The following SERPINH1 variants were observed in gnomAD, a reference collection of about 807,000 sequenced individuals.
The protein encoded by SERPINH1 is serpin family H member 1.
A neutral mutation model predicts 32.3 loss-of-function variants in SERPINH1; 22 were observed. The ratio of observed to expected loss-of-function variants is 0.68; its 90% CI spans 0.49 to 0.97. SERPINH1 has a LOEUF of 0.97. Ranked by LOEUF, SERPINH1 falls within the 50% of genes least tolerant of loss-of-function variation. The pLI, the probability that SERPINH1 is intolerant of heterozygous loss-of-function variation, is 0.00. For synonymous variants in SERPINH1, 251 were observed against 245.9 expected (o/e 1.02, Z -0.19); for missense variants, 543 against 576.4 (o/e 0.94, Z 0.59).
In SERPINH1 at chr11:75,567,088, C is replaced by G; in HGVS notation, c.622+117C>G. ...GCCTCTCATTTATGCTGTGACAACCCAGGGAGGCAGGACTGTCACTCAGCT... is the reference window on the plus strand; with the variant it reads ...GCCTCTCATTTATGCTGTGACAACCGAGGGAGGCAGGACTGTCACTCAGCT... On this transcript the variant is annotated intron_variant, in intron 2 of 4. Transcript: ENST00000358171. 5.2e-6 allele frequency: 6 copies of G among 1,158,822 alleles called. No homozygotes were observed. In the South Asian group the frequency reaches 9.2e-5, roughly 18 times the overall value. The allele number at this position is 1,158,822 out of a possible 1,614,324, so 71.8% of individuals were successfully genotyped here.
chr11:75,571,551 TCTCAGCTTC>T (rs1486255895), intron 4 of SERPINH1, among the ~76,000 whole-genome samples: 2 of 152,142 alleles, frequency 1.3e-5, no homozygotes, highest in African/African-American at 4.8e-5. Flanking sequence ...TTTTTCTGAG[TCTCAGCTTC>T]CTCATCTGTG....
intron 2 of SERPINH1, 71 bp from the exon 3 acceptor site, chr11:75,568,660 G>A: frequency 1.0e-6 from 1 of 980,698 alleles, no homozygotes. Context: ...GCAGCCGGGG[G>A]TGGCTGTGGG....
intron 1 of SERPINH1, chr11:75,563,660 C>A (rs1942020104): frequency 6.5e-6 from 1 of 152,746 alleles, no homozygotes; most frequent in African/African-American, 2.4e-5. Context: ...GCCCTCTGCG[C>A]CAGGGGCCTC....
chr11:75,564,499 G>A (rs1218574682), intron 1 of SERPINH1, among the ~76,000 whole-genome samples: 1 of 152,204 alleles, frequency 6.6e-6, no homozygotes, highest in African/African-American at 2.4e-5. Context: ...TTTGAGTAGG[G>A]TGGCCATATG....
chr11:75,569,250 G>A, intron 4 of SERPINH1, 79 bp downstream of exon 4: 1 of 1,063,858 alleles, frequency 9.4e-7, no homozygotes, highest in Non-Finnish European at 1.4e-6. Context: ...CACCAATTCA[G>A]CAGGTCTGTC....
chr11:75,562,752 TC>T (rs1246395070), intron 1 of SERPINH1: 2 of 152,214 alleles, frequency 1.3e-5, no homozygotes, highest in Non-Finnish European at 2.9e-5. Context: ...GCCTCGCAGT[TC>T]CAGGTCACTT....
At position 75,566,610 on chromosome 11, in the gene SERPINH1, G is replaced by A. The variant is rs1194888853; in HGVS notation, c.261G>A (p.Ala87=). The A allele has an allele frequency of 3.7e-6, 6 of 1,607,520 alleles. No homozygotes were observed. Among genetic ancestry groups the A allele is most frequent in the African/African-American group, 2.7e-5 (2 of 74,844 alleles). Residue 87 remains alanine, a synonymous_variant, in exon 2 of 5, where the codon GCG becomes GCA. Transcript: ENST00000358171. ...SLGLVSLGGK[A]TTASQAKAVL... Reference sequence around the variant, plus strand: ...GGCTCGTGTCGCTGGGCGGCAAGGCGACCACGGCGTCGCAGGCCAAGGCAG... The same window carrying A: ...GGCTCGTGTCGCTGGGCGGCAAGGCAACCACGGCGTCGCAGGCCAAGGCAG...
chr11:75,566,696 G>T lies in SERPINH1; in HGVS notation c.347G>T (p.Arg116Leu), dbSNP rs755675475. The change falls in exon 2 of 5, where the codon CGC (arginine) becomes CTC (leucine). Residue 116 changes from arginine to leucine, a missense_variant. By Grantham distance (102) the Arg-to-Leu change is moderately radical. Transcript: ENST00000358171. ...CACGCCGGCCTGGGCGAGCTGCTGC[G>T]CTCACTCAGCAACTCCACGGCGCGC... ...EVHAGLGELL[R>L]SLSNSTARNV... is the part of the protein sequence containing the mutation. 1.2e-6 allele frequency: 2 copies of T among 1,610,594 alleles called. No homozygotes were observed. Among genetic ancestry groups the T allele is most frequent in the Non-Finnish European group, 8.5e-7 (1 of 1,178,852 alleles).
Position 75,571,811 on chromosome 11 carries a change from G to A in SERPINH1, c.985G>A (p.Ala329Thr). 6.2e-7 allele frequency: 1 copy of A among 1,614,026 alleles called. No homozygotes were observed. The highest frequency in any genetic ancestry group is 8.5e-7 in the Non-Finnish European group (1 of 1,180,032). ...KHLAGLGLTE[A>T]IDKNKADLSR... ...CCTGGCTGGGCTGGGCCTGACTGAG[G>A]CCATTGACAAGAACAAGGCCGACTT... Residue 329 changes from alanine to threonine, a missense_variant, in exon 5 of 5, where the codon GCC (alanine) becomes ACC (threonine). By Grantham distance (58) the Ala-to-Thr change is moderately conservative. Transcript: ENST00000358171.
Position 75,566,704 on chromosome 11 carries a change from A to G in SERPINH1, c.355A>G (p.Ser119Gly), listed in dbSNP as rs751987057. ...AGLGELLRSLSNSTARNVTWK... is the reference protein window; with the variant it reads ...AGLGELLRSLGNSTARNVTWK... ...CCTGGGCGAGCTGCTGCGCTCACTC[A>G]GCAACTCCACGGCGCGCAACGTGAC... The change falls in exon 2 of 5, where the codon AGC becomes GGC. Residue 119 changes from serine (S) to glycine (G), a missense_variant. By Grantham distance (56) the Ser-to-Gly change is moderately conservative. Around this residue, in one of 3 missense-constraint regions of SERPINH1, gnomAD observed 427 missense variants for 446.4 expected, o/e 0.96. Coordinates refer to ENST00000358171, the MANE Select transcript of SERPINH1 (RefSeq NM_001235.5). 3 of 1,611,590 alleles carry G rather than the reference A, an allele frequency of 1.9e-6. No homozygotes were observed. Among genetic ancestry groups the G allele is most frequent in the Non-Finnish European group, 1.7e-6 (2 of 1,179,266 alleles).
intron 1 of SERPINH1, 73 bp from the exon 2 acceptor site, chr11:75,566,243 A>C: frequency 2.2e-6 from 3 of 1,364,462 alleles, no homozygotes; most frequent in Non-Finnish European, 3.0e-6. Context: ...TGTGGCAGCC[A>C]GAGAGCTGAG....
In SERPINH1 at chr11:75,566,576, C is replaced by T. The variant is rs376824871; in HGVS notation, c.227C>T (p.Ser76Leu). The change falls in exon 2 of 5, where the codon TCG (serine) becomes TTG (leucine). Residue 76 changes from serine to leucine, a missense_variant. Physicochemically the swap from Ser to Leu is moderately radical, Grantham distance 145. Coordinates refer to ENST00000358171, the MANE Select transcript of SERPINH1 (RefSeq NM_001235.5). ...CTGGTGTCACCCGTGGTGGTGGCCTCGTCGCTAGGGCTCGTGTCGCTGGGC... is the reference window on the plus strand; with the variant it reads ...CTGGTGTCACCCGTGGTGGTGGCCTTGTCGCTAGGGCTCGTGTCGCTGGGC... ...NILVSPVVVA[S>L]SLGLVSLGGK... The T allele has an allele frequency of 4.5e-5, 73 of 1,609,936 alleles. No individual in the cohort carries two copies. In the Admixed American group the frequency reaches 4.8e-4, roughly 11 times the overall value.
Position 75,566,835 on chromosome 11 carries a change from C to G in SERPINH1, c.486C>G (p.Asn162Lys), listed in dbSNP as rs770842307. 1.5e-5 allele frequency: 24 copies of G among 1,612,764 alleles called. No homozygotes were observed. The highest frequency in any genetic ancestry group is 3.3e-4 in the Middle Eastern group (2 of 6,084). ...QHYNCEHSKI[N>K]FRDKRSALQS... ...ACAACTGCGAGCACTCCAAGATCAA[C>G]TTCCGCGACAAGCGCAGCGCGCTGC... Residue 162 changes from asparagine (N) to lysine (K), a missense_variant, in exon 2 of 5, where the codon AAC (asparagine) becomes AAG (lysine). Physicochemically the swap from Asn to Lys is moderately conservative, Grantham distance 94 (BLOSUM62 0). Transcript: ENST00000358171.
rs1315205579 is a variant in SERPINH1 at position 75,562,360 on chromosome 11, A to AGCGCCGAGCAATCTGGGGGT, written c.-35+46_-35+65dup. The AGCGCCGAGCAATCTGGGGGT allele has an allele frequency of 2.6e-5, 4 of 151,442 alleles. No homozygotes were observed. The East Asian group carries it at 7.8e-4, about 30-fold the overall frequency. The allele number at this position is 151,442 out of a possible 1,614,324, so 9.4% of individuals were successfully genotyped here. A position where few individuals can be genotyped will look rare whatever the true frequency, so the allele number is the denominator to read the frequency against. ...CGCCTGCGTGCGTGCGGCCCGGGGG[A>AGCGCCGAGCAATCTGGGGGT]GCGCCGAGCAATCTGGGGGTGCGCG... On this transcript the variant is annotated intron_variant, in intron 1 of 4. Transcript: ENST00000358171.
At chr11:75,565,843 C>T (rs1942064447) in intron 1 of SERPINH1, among the ~76,000 whole-genome samples, 1 of 152,196 alleles carries the variant, frequency 6.6e-6, no homozygotes, top group South Asian at 2.1e-4. Flanking sequence ...GAAAAGGGCT[C>T]CCAGGGCTAT....
At chr11:75,565,133 A>C (rs606452) in intron 1 of SERPINH1, among the ~76,000 whole-genome samples, 118,025 of 152,134 alleles carry the variant, frequency 0.78, 46,576 homozygotes, top group Non-Finnish European at 0.87. Flanking sequence ...GAGACTGTCC[A>C]AATTGGAGGC....
chr11:75,571,934 A>G lies in SERPINH1; in HGVS notation c.1108A>G (p.Ile370Val). ...DTDGNPFDQD[I>V]YGREELRSPK... ...AGATGGCAACCCCTTTGACCAGGAC[A>G]TCTACGGGCGCGAGGAGCTGCGCAG... Residue 370 changes from isoleucine (I) to valine (V), a missense_variant, in exon 5 of 5, where the codon ATC becomes GTC. By Grantham distance (29) the Ile-to-Val change is conservative. Around this residue, in one of 3 missense-constraint regions of SERPINH1, gnomAD observed 427 missense variants for 446.4 expected, o/e 0.96. Transcript: ENST00000358171. The G allele has an allele frequency of 6.2e-7, 1 of 1,614,212 alleles. No individual in the cohort carries two copies. Among genetic ancestry groups the G allele is most frequent in the Non-Finnish European group, 8.5e-7 (1 of 1,180,044 alleles).
At chr11:75,566,262 T>C in intron 1 of SERPINH1, 54 bp from the exon 2 acceptor site, 8 of 1,481,388 alleles carry the variant, frequency 5.4e-6, no homozygotes, top group Non-Finnish European at 7.4e-6. Context: ...AGGGTGGTTG[T>C]TGGGGAGGAA....
At chr11:75,571,007 T>G (rs634552) in intron 4 of SERPINH1, among the ~76,000 whole-genome samples, 117,817 of 152,088 alleles carry the variant, frequency 0.77, 46,426 homozygotes, top group Non-Finnish European at 0.87. Flanking sequence ...GGCTGCCACG[T>G]AGGCACAGGT....
Sources: allele counts gnomAD v4.1 joint callset (sites outside exome capture counted in the v4.1 genomes callset), GRCh38; gene constraint gnomAD v4.1.1; regional missense constraint gnomAD v4.1.1; transcripts MANE v1.5; gene names NCBI Gene and HGNC (gene_info 2026-07-23, HGNC 2026-07-21).